Variants in SARNP observed in about 807,000 individuals in gnomAD.
The protein encoded by SARNP is SAP domain containing ribonucleoprotein.
Under a neutral mutation model 38.1 loss-of-function variants are expected in SARNP, and 5 were observed. The ratio of observed to expected loss-of-function variants is 0.13; its 90% CI spans 0.07 to 0.28. The LOEUF (loss-of-function observed/expected upper bound fraction) is 0.28, where lower values mean the gene tolerates loss of function less well. Ranked by LOEUF, SARNP falls within the 10% of genes least tolerant of loss-of-function variation. The pLI is 1.00. For synonymous variants in SARNP, 84 were observed against 80.6 expected (o/e 1.04, Z -0.23); for missense variants, 180 against 243.9 (o/e 0.74, Z 1.75).
In SARNP at chr12:55,807,646, C is replaced by CAA. The variant is rs768134544; in HGVS notation, c.37-3920_37-3919dup. 3.7e-3 allele frequency among the ~76,000 whole-genome samples: 276 copies of CAA among 75,424 alleles called. 5 individuals carry two copies. Among genetic ancestry groups the CAA allele is most frequent in the Admixed American group, 0.014 (105 of 7,688 alleles). 49.5% of individuals were successfully genotyped at this position (75,424 alleles called of 152,430 possible). A position where few individuals can be genotyped will look rare whatever the true frequency, so the allele number is the denominator to read the frequency against. On this transcript the variant is annotated intron_variant, in intron 1 of 10. Transcript: ENST00000336133. The stretch of plus-strand genomic sequence containing the variant: ...TGAAACCCCGTCTCTACTAAAAATA[C>CAA]AAAAAAAAAAAAAAAAAATTAGCCG...
chr12:55,752,745 A>G (rs1350224390), downstream of SARNP: 1 of 152,194 alleles, frequency 6.6e-6, no homozygotes, highest in Non-Finnish European at 1.5e-5. Flanking sequence ...CAAAAAGGCC[A>G]TCAGGCAGTT....
intron 1 of SARNP, among the ~76,000 whole-genome samples, chr12:55,812,139 T>C (rs931061097): frequency 2.0e-5 from 3 of 152,194 alleles, no homozygotes; most frequent in South Asian, 2.1e-4. Flanking sequence ...CTTATTACCA[T>C]TGCTCACTCT....
In SARNP at chr12:55,789,091, G is replaced by C; in HGVS notation, c.485C>G (p.Ser162Cys). The change falls in exon 9 of 11, where the codon TCT (serine) becomes TGT (cysteine). Residue 162 changes from serine (S) to cysteine (C), a missense_variant. Physicochemically the swap from Ser to Cys is moderately radical, Grantham distance 112. Transcript: ENST00000336133. Reference protein sequence around the residue: ...ERAQRFGLNVSSISRKSEDDE... With the variant: ...ERAQRFGLNVCSISRKSEDDE... ...CTACATTACCTTTCTGGAGATTGAA[G>C]AGACATTCAAACCAAATCTTTGAGC... The C allele has an allele frequency of 6.2e-7, 1 of 1,604,684 alleles. No individual in the cohort carries two copies. Among genetic ancestry groups the C allele is most frequent in the Non-Finnish European group, 8.5e-7 (1 of 1,175,824 alleles).
chr12:55,784,669 T>G (rs1219493320), intron 9 of SARNP, among the ~76,000 whole-genome samples: 2 of 152,232 alleles, frequency 1.3e-5, no homozygotes, highest in Non-Finnish European at 2.9e-5. Flanking sequence ...GTATGAAAGC[T>G]GTGTGGGAGA....
At chr12:55,763,461 G>A (rs1878737471) in intron 9 of SARNP, among the ~76,000 whole-genome samples, 2 of 152,062 alleles carry the variant, frequency 1.3e-5, no homozygotes, top group South Asian at 2.1e-4. Flanking sequence ...ACATGCGCAC[G>A]CCACCACACC....
At chr12:55,813,512 A>G (rs887873723) in intron 1 of SARNP, among the ~76,000 whole-genome samples, 2 of 149,798 alleles carry the variant, frequency 1.3e-5, no homozygotes, top group African/African-American at 4.9e-5. Context: ...TGATTAGAAC[A>G]TGAATTTTGG....
chr12:55,767,767 A>G (rs1216934246), intron 9 of SARNP, among the ~76,000 whole-genome samples: 1 of 149,618 alleles, frequency 6.7e-6, no homozygotes, highest in Non-Finnish European at 1.5e-5. Flanking sequence ...GAATGGTGTG[A>G]ACCCGGGAGG....
chr12:55,761,762 A>G (rs1878682901), intron 9 of SARNP: 1 of 152,200 alleles, frequency 6.6e-6, no homozygotes, highest in Admixed American at 6.5e-5. Flanking sequence ...TCTTATCACC[A>G]GTCATCAGAA....
chr12:55,783,208 T>C (rs1009478323), intron 9 of SARNP, among the ~76,000 whole-genome samples: 1 of 147,150 alleles, frequency 6.8e-6, no homozygotes, highest in African/African-American at 2.5e-5. Context: ...GGGAAACAGA[T>C]AGAGAAAAAA....
chr12:55,784,963 A>G (rs2136191669), intron 9 of SARNP, among the ~76,000 whole-genome samples: 1 of 152,362 alleles, frequency 6.6e-6, no homozygotes, highest in East Asian at 1.9e-4. Context: ...ATTCTAGTAA[A>G]GTGTTACTTA....
rs919899116 is a variant in SARNP, at chr12:55,768,292, A to AT, written c.502-7653dup. On this transcript the variant is annotated intron_variant, in intron 9 of 10. Transcript: ENST00000336133. ...AGGTGCCTGCCACCACGCCCAGCTA[A>AT]TTTTTTTTTTAATTTTTAGTAGAGA... Among the ~76,000 whole-genome samples the AT allele has an allele frequency of 7.7e-5, 11 of 142,448 alleles. No individual in the cohort carries two copies. The South Asian group carries it at 9.1e-4, about 12-fold the overall frequency. The allele number at this position is 142,448 out of a possible 152,430, so 93.5% of individuals were successfully genotyped here.
At chr12:55,809,771 T>C (rs1327834858) in intron 1 of SARNP, among the ~76,000 whole-genome samples, 8 of 146,844 alleles carry the variant, frequency 5.4e-5, no homozygotes, top group Admixed American at 2.7e-4. Context: ...AAGAAAAGAG[T>C]TATAGAACAT....
intron 9 of SARNP, among the ~76,000 whole-genome samples, chr12:55,764,907 A>T (rs1878784600): frequency 6.6e-6 from 1 of 151,966 alleles, no homozygotes; most frequent in Admixed American, 6.6e-5. Context: ...AACAAAGTCA[A>T]GGGGGAAAGT....
At chr12:55,754,357 T>G (rs528080420), downstream of SARNP, 1 of 152,216 alleles carries the variant, frequency 6.6e-6, no homozygotes, top group East Asian at 1.9e-4. Flanking sequence ...TATCCTATAC[T>G]CTGACCTTGC....
At chr12:55,806,293 G>A (rs1014234719) in intron 1 of SARNP, among the ~76,000 whole-genome samples, 4 of 117,648 alleles carry the variant, frequency 3.4e-5, no homozygotes, top group African/African-American at 1.2e-4. Context: ...TTTTTTTTTT[G>A]AGACGGAGTC....
chr12:55,789,001 C>A, intron 9 of SARNP, 74 bp downstream of exon 9: 2 of 950,998 alleles, frequency 2.1e-6, no homozygotes, highest in South Asian at 2.9e-5. Flanking sequence ...TCAGGAGGGT[C>A]ATTTCCAGCC....
At chr12:55,780,352 G>C (rs915388346) in intron 9 of SARNP, among the ~76,000 whole-genome samples, 2 of 152,106 alleles carry the variant, frequency 1.3e-5, no homozygotes, top group African/African-American at 4.8e-5. Context: ...TATTCGGGAG[G>C]CTGAGGCAGG....
intron 7 of SARNP, chr12:55,792,535 C>CTTTTTTTTTTTTTTT (rs71074859): frequency 2.9e-5 from 3 of 103,198 alleles, no homozygotes; most frequent in Non-Finnish European, 5.6e-5. Context: ...CCACACCCAG[C>CTTTTTTTTTTTTTTT]TTTTTTTTTT....
chr12:55,764,557 C>A (rs1362508517), intron 9 of SARNP, among the ~76,000 whole-genome samples: 1 of 148,422 alleles, frequency 6.7e-6, no homozygotes, highest in Non-Finnish European at 1.5e-5. Flanking sequence ...AAGAATAAGG[C>A]TGGGCGCAGT....
Sources: gnomAD v4.1 joint callset for allele counts (sites outside exome capture counted in the v4.1 genomes callset) on GRCh38, gnomAD v4.1.1 for gene constraint, MANE v1.5 for transcripts, NCBI Gene and HGNC (gene_info 2026-07-23, HGNC 2026-07-21) for gene names.